Variants in GSN observed in about 807,000 individuals in gnomAD.
The protein encoded by GSN is gelsolin.
Under a neutral mutation model 85.7 loss-of-function variants are expected in GSN, and 56 were observed. The observed-to-expected ratio is 0.65, with a 90% CI of 0.53 to 0.82. GSN has a LOEUF of 0.82. GSN is among the 40% of genes least tolerant of loss of function. The probability of loss-of-function intolerance (pLI) is 0.00; values close to 1 mark genes in which losing one functional copy is unlikely to be tolerated. For synonymous variants in GSN, 373 were observed against 399.1 expected (o/e 0.93, Z 0.78); for missense variants, 857 against 979.8 (o/e 0.87, Z 1.67).
intron 5 of GSN, among the ~76,000 whole-genome samples, chr9:121,235,413 C>T (rs10513363): frequency 0.028 from 4,232 of 152,302 alleles, 206 homozygotes; most frequent in African/African-American, 0.096. Context: ...AGATTATGTG[C>T]TTAGCCACTG....
chr9:121,225,642 C>T (rs1185408215), intron 4 of GSN, among the ~76,000 whole-genome samples: 2 of 152,200 alleles, frequency 1.3e-5, no homozygotes, highest in South Asian at 2.1e-4. Context: ...GATTAGAATC[C>T]GGGCTCTGCA....
chr9:121,316,909 A>C (rs2133618543), intron 7 of GSN, among the ~76,000 whole-genome samples, 177 bp from the exon 8 acceptor site: 1 of 151,342 alleles, frequency 6.6e-6, no homozygotes, highest in East Asian at 1.9e-4. Flanking sequence ...GTAGGTCAGC[A>C]GATGTGGTTC....
chr9:121,332,562 G>T lies in GSN; in HGVS notation c.2155G>T (p.Val719Leu). 2 of 1,614,128 alleles carry T rather than the reference G, an allele frequency of 1.2e-6. No individual in the cohort carries two copies. Among genetic ancestry groups the T allele is most frequent in the Non-Finnish European group, 1.7e-6 (2 of 1,180,016 alleles). Residue 719 changes from valine (V) to leucine (L), a missense_variant, in exon 18 of 18, where the codon GTG becomes TTG. Transcript: ENST00000432226. The surrounding 1 kb of genome is among the most constrained non-coding windows in gnomAD (Gnocchi z 4.8). Reference protein sequence around the residue: ...FLGWDDDYWSVDPLDRAMAEL... With the variant: ...FLGWDDDYWSLDPLDRAMAEL... ...TGGCTGGGATGATGATTACTGGTCTGTGGACCCCTTGGACAGGGCCATGGC... is the reference window on the plus strand; with the variant it reads ...TGGCTGGGATGATGATTACTGGTCTTTGGACCCCTTGGACAGGGCCATGGC...
chr9:121,243,734 C>T (rs912286558), intron 5 of GSN, among the ~76,000 whole-genome samples: 9 of 152,116 alleles, frequency 5.9e-5, no homozygotes, highest in Non-Finnish European at 1.0e-4. Context: ...TGCACCACCA[C>T]GCCCAGTTAA....
At chr9:121,250,097 C>T (rs2054786712) in intron 6 of GSN, among the ~76,000 whole-genome samples, 1 of 152,016 alleles carries the variant, frequency 6.6e-6, no homozygotes, top group African/African-American at 2.4e-5. Context: ...TCTGGTCGTA[C>T]TTTCATACAT....
In GSN at chr9:121,227,254, C is replaced by T. The variant is rs768798862; in HGVS notation, c.-527-3911C>T. On this transcript the variant is annotated intron_variant, in intron 4 of 24. Coordinates refer to the GSN transcript ENST00000373823. ...ACTAAAAATACAAAAATTAGCTAGGCGTGGTGGTGCGTGCCTGTAATCCCA... is the reference window on the plus strand; with the variant it reads ...ACTAAAAATACAAAAATTAGCTAGGTGTGGTGGTGCGTGCCTGTAATCCCA... Among the ~76,000 whole-genome samples, 8 of 152,134 alleles carry T rather than the reference C, an allele frequency of 5.3e-5. No individual in the cohort carries two copies. The South Asian group carries it at 1.0e-3, about 20-fold the overall frequency.
intron 4 of GSN, among the ~76,000 whole-genome samples, chr9:121,221,347 A>C (rs1012439036): frequency 3.9e-5 from 6 of 152,240 alleles, no homozygotes; most frequent in African/African-American, 1.4e-4. Context: ...AGGGCAGTTT[A>C]TTGAAGGCCT....
At chr9:121,272,008 A>G (rs2056047646) in intron 1 of GSN, among the ~76,000 whole-genome samples, 1 of 152,244 alleles carries the variant, frequency 6.6e-6, no homozygotes, top group Non-Finnish European at 1.5e-5. Flanking sequence ...AGAGAAAAGC[A>G]CGTCCCAGGG....
intron 2 of GSN, chr9:121,284,770 A>G (rs1564419930): frequency 1.2e-5 from 2 of 167,176 alleles, no homozygotes. Flanking sequence ...TCAGCTGAGG[A>G]GTGACTTGAT....
At chr9:121,271,588 C>G (rs1275007760) in intron 1 of GSN, among the ~76,000 whole-genome samples, 2 of 152,090 alleles carry the variant, frequency 1.3e-5, no homozygotes, top group African/African-American at 2.4e-5. Flanking sequence ...AATGACAGCA[C>G]TAAACATTCT....
intron 4 of GSN, among the ~76,000 whole-genome samples, chr9:121,217,750 T>A (rs1000173248): frequency 6.6e-6 from 1 of 150,892 alleles, no homozygotes; most frequent in Non-Finnish European, 1.5e-5. Flanking sequence ...TTTCTTTAAA[T>A]TTTTTAAATT....
chr9:121,326,437 A>C, intron 12 of GSN, 75 bp from the exon 13 acceptor site: 53 of 1,169,964 alleles, frequency 4.5e-5, no homozygotes, highest in Non-Finnish European at 6.0e-5. Context: ...GTCTGGAGGG[A>C]TGGGCCCAGT....
At chr9:121,241,835 C>T (rs900439041) in intron 5 of GSN, among the ~76,000 whole-genome samples, 14 of 152,190 alleles carry the variant, frequency 9.2e-5, no homozygotes, top group African/African-American at 3.4e-4. Context: ...TAAGTGAGGG[C>T]TCACTCTCTG....
intron 2 of GSN, among the ~76,000 whole-genome samples, chr9:121,287,683 T>TTC (rs1336025413): frequency 1.5e-4 from 2 of 13,446 alleles, no homozygotes; most frequent in African/African-American, 6.3e-4. Context: ...GCGTGTGGGC[T>TTC]TTTTTTTTCT....
upstream of GSN, among the ~76,000 whole-genome samples, chr9:121,203,998 T>G (rs1194716269): frequency 6.6e-6 from 1 of 152,216 alleles, no homozygotes; most frequent in Non-Finnish European, 1.5e-5. Flanking sequence ...CTGTGCCAAG[T>G]AAAGGAGAAA....
intron 4 of GSN, among the ~76,000 whole-genome samples, chr9:121,218,152 A>T (rs1221390681): frequency 1.3e-5 from 2 of 152,328 alleles, no homozygotes; most frequent in East Asian, 3.9e-4. Context: ...GTCTGCTATG[A>T]ATTGTCTGGC....
At chr9:121,287,957 T>C (rs2058317234) in intron 2 of GSN, among the ~76,000 whole-genome samples, 1 of 152,100 alleles carries the variant, frequency 6.6e-6, no homozygotes, top group African/African-American at 2.4e-5. Flanking sequence ...TATTGTTGTA[T>C]TTTTTGTCAC....
intron 6 of GSN, among the ~76,000 whole-genome samples, chr9:121,257,081 A>G (rs2054979207): frequency 6.6e-6 from 1 of 152,204 alleles, no homozygotes; most frequent in African/African-American, 2.4e-5. Context: ...CACATTGTAT[A>G]TGCATGTGTC....
At chr9:121,260,216 A>T (rs1466523351) in intron 6 of GSN, among the ~76,000 whole-genome samples, 1 of 152,176 alleles carries the variant, frequency 6.6e-6, no homozygotes, top group African/African-American at 2.4e-5. Context: ...AAAACTCTAG[A>T]CTGCCTGCTT....
Sources: gnomAD v4.1 joint callset for allele counts (sites outside exome capture counted in the v4.1 genomes callset) on GRCh38, gnomAD v4.1.1 for gene constraint, Gnocchi (gnomAD v3.1) non-coding constraint, MANE v1.5 for transcripts, NCBI Gene and HGNC (gene_info 2026-07-23, HGNC 2026-07-21) for gene names.